Variants in FHIT observed in about 807,000 individuals in gnomAD.
FHIT encodes the protein bis(5'-adenosyl)-triphosphatase.
Under a neutral mutation model 17.9 loss-of-function variants are expected in FHIT, and 19 were observed. The ratio of observed to expected loss-of-function variants is 1.06; its 90% CI spans 0.74 to 1.56. FHIT has a LOEUF of 1.56. Among genes scored for constraint, FHIT ranks in the 40% most tolerant of loss-of-function variants. The pLI is 0.00. For missense variants in FHIT, 248 were observed against 189.2 expected, an observed-to-expected ratio of 1.31 and a Z score of -1.82; for synonymous variants, 81 against 69.7, an observed-to-expected ratio of 1.16 and a Z score of -0.81.
intron 1 of FHIT, among the ~76,000 whole-genome samples, chr3:61,238,772 T>G (rs2040294365): frequency 6.6e-6 from 1 of 152,248 alleles, no homozygotes; most frequent in Non-Finnish European, 1.5e-5. Flanking sequence ...GTATCTCCTC[T>G]TCTTTCCACC....
chr3:60,620,813 T>C (rs782496867), intron 4 of FHIT, among the ~76,000 whole-genome samples: 1 of 152,088 alleles, frequency 6.6e-6, no homozygotes, highest in Non-Finnish European at 1.5e-5. Flanking sequence ...TGGTTAATAA[T>C]AGTGTATCAA....
At chr3:60,563,354 T>C (rs2037021359) in intron 4 of FHIT, among the ~76,000 whole-genome samples, 1 of 152,214 alleles carries the variant, frequency 6.6e-6, no homozygotes, top group Non-Finnish European at 1.5e-5. Flanking sequence ...CATTTTGCTT[T>C]ACTGTGCTTC....
In FHIT at chr3:60,644,951, C is replaced by G. The variant is rs553636977; in HGVS notation, c.-17-107972G>C. On this transcript the variant is annotated intron_variant, in intron 4 of 9. Coordinates refer to ENST00000492590, the MANE Select transcript of FHIT (RefSeq NM_002012.4). ...ATAATCTAGCTTGGCTGTCTCTGGG[C>G]CTGGCAGATAGTTAGGGCTGACACT... is the stretch of plus-strand genomic sequence containing the variant. Among the ~76,000 whole-genome samples the G allele has an allele frequency of 2.0e-4, 30 of 152,188 alleles. 1 individual carries two copies. The highest frequency in any genetic ancestry group is 1.6e-3 in the Admixed American group (24 of 15,288).
chr3:60,029,980 T>C (rs145822083), intron 5 of FHIT, among the ~76,000 whole-genome samples: 2 of 151,086 alleles, frequency 1.3e-5, no homozygotes, highest in Non-Finnish European at 2.9e-5. Context: ...TCTTTTATGA[T>C]AGTTTTTGTT....
At position 60,842,655 on chromosome 3, in the gene FHIT, T is replaced by A. The variant is rs1169460035; in HGVS notation, c.-110-20644A>T. On this transcript the variant is annotated intron_variant, in intron 3 of 9. Coordinates refer to ENST00000492590, the MANE Select transcript of FHIT (RefSeq NM_002012.4). ...TATATATATATATATATTTTTTTTT[T>A]TTTTTTTTTCCCTTGCTAGGCAAAG... Among the ~76,000 whole-genome samples, 235 of 124,444 alleles carry A rather than the reference T, an allele frequency of 1.9e-3. 1 individual carries two copies. The highest frequency in any genetic ancestry group is 6.6e-3 in the African/African-American group (192 of 28,934). 81.6% of individuals were successfully genotyped at this position (124,444 alleles called of 152,430 possible).
chr3:60,590,914 A>C (rs2038063685), intron 4 of FHIT, among the ~76,000 whole-genome samples: 1 of 152,066 alleles, frequency 6.6e-6, no homozygotes, highest in Non-Finnish European at 1.5e-5. Flanking sequence ...TTCCAGGAGG[A>C]AGCAAACTGA....
chr3:60,386,859 T>C (rs1701030199), intron 5 of FHIT, among the ~76,000 whole-genome samples: 2 of 152,110 alleles, frequency 1.3e-5, no homozygotes, highest in Admixed American at 6.5e-5. Flanking sequence ...ATGTCCACTA[T>C]AGCGTAAACA....
chr3:60,360,638 T>C (rs538464576), intron 5 of FHIT, among the ~76,000 whole-genome samples: 1 of 152,328 alleles, frequency 6.6e-6, no homozygotes, highest in South Asian at 2.1e-4. Flanking sequence ...CAGCAATATT[T>C]AATAGGCATG....
intron 5 of FHIT, among the ~76,000 whole-genome samples, chr3:60,156,383 GCTGT>G (rs998299051): frequency 2.8e-4 from 42 of 151,634 alleles, no homozygotes; most frequent in Middle Eastern, 3.4e-3. Context: ...TTAAAATTAA[GCTGT>G]CTAATTGTTT....
At chr3:59,784,074 C>CA (rs1484067572) in intron 8 of FHIT, among the ~76,000 whole-genome samples, 1 of 151,974 alleles carries the variant, frequency 6.6e-6, no homozygotes, top group Non-Finnish European at 1.5e-5. Flanking sequence ...GATTCTTGGC[C>CA]AAAAAATGAT....
intron 2 of FHIT, among the ~76,000 whole-genome samples, chr3:61,076,682 C>G (rs1031284066): frequency 6.6e-6 from 1 of 152,070 alleles, no homozygotes; most frequent in African/African-American, 2.4e-5. Flanking sequence ...TTCCACAATA[C>G]CATGAGCTAG....
intron 2 of FHIT, among the ~76,000 whole-genome samples, chr3:61,188,882 AC>A (rs1479571348): frequency 1.3e-5 from 2 of 151,964 alleles, no homozygotes; most frequent in South Asian, 2.1e-4. Flanking sequence ...AAATTCAACA[AC>A]CCTTCATGCT....
intron 5 of FHIT, among the ~76,000 whole-genome samples, chr3:60,016,902 T>C (rs1700365108): frequency 6.6e-6 from 1 of 152,142 alleles, no homozygotes; most frequent in Non-Finnish European, 1.5e-5. Context: ...ACTCAATCTT[T>C]CCAACAAACC....
At chr3:59,871,371 C>G (rs1702917169) in intron 8 of FHIT, among the ~76,000 whole-genome samples, 1 of 152,084 alleles carries the variant, frequency 6.6e-6, no homozygotes, top group African/African-American at 2.4e-5. Context: ...GTAAGAATCT[C>G]AACAATTTTC....
chr3:60,245,606 T>C (rs1390423232), intron 5 of FHIT, among the ~76,000 whole-genome samples: 1 of 151,988 alleles, frequency 6.6e-6, no homozygotes, highest in Non-Finnish European at 1.5e-5. Context: ...AAAAAGAAAC[T>C]AGTGATGTTG....
At chr3:60,801,173 T>C (rs1701173271) in intron 4 of FHIT, among the ~76,000 whole-genome samples, 1 of 152,190 alleles carries the variant, frequency 6.6e-6, no homozygotes, top group Non-Finnish European at 1.5e-5. Context: ...AAACAAGGCA[T>C]GGAAGAGATT....
At chr3:60,410,594 A>C (rs1702026339) in intron 5 of FHIT, among the ~76,000 whole-genome samples, 1 of 152,132 alleles carries the variant, frequency 6.6e-6, no homozygotes, top group East Asian at 1.9e-4. Context: ...CTGGGTGACT[A>C]CTTAACATAT....
intron 3 of FHIT, among the ~76,000 whole-genome samples, chr3:60,860,439 A>ATATATACC (rs1703666350): frequency 7.7e-6 from 1 of 130,036 alleles, no homozygotes; most frequent in Non-Finnish European, 1.7e-5. Context: ...CATATATATC[A>ATATATACC]TGTATATATG....
At chr3:59,932,602 G>A (rs76381643) in intron 7 of FHIT, among the ~76,000 whole-genome samples, 2,537 of 152,260 alleles carry the variant, frequency 0.017, 74 homozygotes, top group African/African-American at 0.057. Flanking sequence ...TCGTTTAAAA[G>A]CCACTCACTT....
Sources: allele counts gnomAD v4.1 joint callset (sites outside exome capture counted in the v4.1 genomes callset), GRCh38; gene constraint gnomAD v4.1.1; transcripts MANE v1.5; gene names NCBI Gene and HGNC (gene_info 2026-07-23, HGNC 2026-07-21).